Variants in TRAPPC2L observed in about 807,000 individuals in gnomAD.
TRAPPC2L encodes trafficking protein particle complex subunit 2-like protein.
Under a neutral mutation model 13.2 loss-of-function variants are expected in TRAPPC2L, and 17 were observed. The ratio of observed to expected loss-of-function variants is 1.29; its 90% confidence interval spans 0.88 to 1.93. TRAPPC2L has a LOEUF of 1.93. TRAPPC2L is among the 30% of genes most tolerant of loss of function. The pLI is 0.00. For synonymous variants in TRAPPC2L, 150 were observed against 98.1 expected (o/e 1.53, Z -3.12); for missense variants, 359 against 252.1 (o/e 1.42, Z -2.87).
Position 88,859,666 on chromosome 16 carries a change from C to G in TRAPPC2L, c.210C>G (p.Tyr70Ter), listed in dbSNP as rs148514448. 1.2e-6 allele frequency: 2 copies of G among 1,613,882 alleles called. No individual in the cohort carries two copies. Among genetic ancestry groups the G allele is most frequent in the Non-Finnish European group, 8.5e-7 (1 of 1,179,954 alleles). ...CCTTCCCTAACCAGCTGTGCAGATA[C>G]GGCTACGTCACCAACTCCAAGGTGA... is the stretch of plus-strand genomic sequence containing the variant. The change falls in exon 3 of 4, where the codon TAC becomes TAG. Residue 70 changes from tyrosine to a stop codon, truncating the protein, a stop_gained. Transcript: ENST00000565504. LOFTEE classifies it high-confidence loss of function.
chr16:88,856,460 A>T (rs1967891443), upstream of TRAPPC2L: 1 of 700,292 alleles, frequency 1.4e-6, no homozygotes, highest in Admixed American at 2.0e-5. Flanking sequence ...CCTGCCAGGG[A>T]GGACGCTGTC....
At chr16:88,857,625 C>T (rs1160631159) in intron 1 of TRAPPC2L, among the ~76,000 whole-genome samples, 8 of 152,270 alleles carry the variant, frequency 5.3e-5, no homozygotes, top group Non-Finnish European at 8.8e-5. Flanking sequence ...GCAGTGGCTT[C>T]TCGTTGCCTT....
At chr16:88,862,092 C>G (rs970257105) in exon 4 of TRAPPC2L, 2 of 156,124 alleles carry the variant, frequency 1.3e-5, no homozygotes, top group African/African-American at 4.8e-5. Flanking sequence ...AAATCTTTAA[C>G]AAGAGCCTCA....
chr16:88,859,129 A>T (rs888140383), intron 2 of TRAPPC2L: 1 of 438,838 alleles, frequency 2.3e-6, no homozygotes, highest in Non-Finnish European at 4.2e-6. Flanking sequence ...AGGGGATAAT[A>T]GTTTCATTTA....
At chr16:88,858,729 G>A (rs758189247) in exon 2 of TRAPPC2L, 1 of 1,613,558 alleles carries the variant, frequency 6.2e-7, no homozygotes, top group Admixed American at 1.7e-5. Context: ...CAATGGGGAA[G>A]GCCCTGGTCG....
At chr16:88,857,364 C>A in intron 1 of TRAPPC2L, 181 bp downstream of exon 1, 1 of 564,850 alleles carries the variant, frequency 1.8e-6, no homozygotes, top group Non-Finnish European at 3.0e-6. Context: ...CTGACTGAGA[C>A]CCCAGTTCCG....
chr16:88,861,046 G>T, exon 4 of TRAPPC2L: 1 of 1,317,706 alleles, frequency 7.6e-7, no homozygotes. Context: ...CTTCCTGAAT[G>T]GGACGCCTGG....
chr16:88,860,623 G>C, exon 4 of TRAPPC2L: 1 of 591,368 alleles, frequency 1.7e-6, no homozygotes, highest in Non-Finnish European at 3.0e-6. Context: ...TGCCTCCTGG[G>C]CTGCACAGGG....
chr16:88,861,559 A>G (rs1968391296), exon 4 of TRAPPC2L: 1 of 462,192 alleles, frequency 2.2e-6, no homozygotes, highest in African/African-American at 2.0e-5. Flanking sequence ...CCCTGGTCCT[A>G]AACCTTGGAG....
At position 88,861,053 on chromosome 16, in the gene TRAPPC2L, C is replaced by T. The variant is rs141980662; in HGVS notation, c.*729C>T. 454 of 1,288,224 alleles carry T rather than the reference C, an allele frequency of 3.5e-4. 1 individual carries two copies. In the African/African-American group the frequency reaches 5.9e-3, roughly 17 times the overall value. 79.8% of individuals were successfully genotyped at this position (1,288,224 alleles called of 1,614,324 possible). On this transcript the variant is annotated 3_prime_UTR_variant, in exon 4 of 4. Coordinates refer to ENST00000565504, the Ensembl canonical transcript of TRAPPC2L. ...GGTTGCCTCTTCCTGAATGGGACGCCTGGGGCTTTCAGGGCAGGCAGCTGT... is the reference window on the plus strand; with the variant it reads ...GGTTGCCTCTTCCTGAATGGGACGCTTGGGGCTTTCAGGGCAGGCAGCTGT...
rs1968297118 is a variant in TRAPPC2L, at chr16:88,860,288, G to A, written c.690G>A (p.Trp230Ter). 1 of 699,930 alleles carries A rather than the reference G, an allele frequency of 1.4e-6. No individual in the cohort carries two copies. Among genetic ancestry groups the A allele is most frequent in the Admixed American group, 2.0e-5 (1 of 49,516 alleles). 43.4% of individuals were successfully genotyped at this position (699,930 alleles called of 1,614,324 possible). ...CTCAGGGCCAAGCACATGGGCAGTG[G>A]CTTTCAGGGATCACACGTCCTTTTG... Residue 230 changes from tryptophan to a stop codon, truncating the protein, a stop_gained, in exon 4 of 4, where the codon TGG becomes TGA. Transcript: ENST00000565504. LOFTEE classifies it low-confidence loss of function (END_TRUNC).
chr16:88,861,314 T>A, exon 4 of TRAPPC2L: 1 of 377,842 alleles, frequency 2.6e-6, no homozygotes, highest in African/African-American at 2.1e-5. Flanking sequence ...GGTCACCCAC[T>A]GGCTGAACAG....
At chr16:88,857,921 C>CGAGA (rs1416410678) in intron 1 of TRAPPC2L, among the ~76,000 whole-genome samples, 5 of 152,228 alleles carry the variant, frequency 3.3e-5, no homozygotes, top group African/African-American at 1.2e-4. Flanking sequence ...AGACCAGACT[C>CGAGA]GAGACCGCTC....
chr16:88,857,127 G>GTGCC (rs772747583), exon 1 of TRAPPC2L: 2 of 1,554,292 alleles, frequency 1.3e-6, no homozygotes, highest in Non-Finnish European at 8.7e-7. Flanking sequence ...ACGTGACGCG[G>GTGCC]TGCCTGGCGC....
chr16:88,859,808 CTT>C, intron 3 of TRAPPC2L, 58 bp downstream of exon 3: 4 of 1,590,580 alleles, frequency 2.5e-6, no homozygotes, highest in Non-Finnish European at 3.4e-6. Context: ...TCCTTTTTGA[CTT>C]TGTTTTGAAA....
chr16:88,861,303 G>C (rs1968371896), exon 4 of TRAPPC2L: 3 of 389,754 alleles, frequency 7.7e-6, no homozygotes, highest in Non-Finnish European at 1.5e-5. Flanking sequence ...GTGACCATGT[G>C]GGTCACCCAC....
At chr16:88,857,718 A>G (rs1467833098) in intron 1 of TRAPPC2L, among the ~76,000 whole-genome samples, 1 of 152,200 alleles carries the variant, frequency 6.6e-6, no homozygotes, top group African/African-American at 2.4e-5. Context: ...ACAATTCTGC[A>G]GCTCCCTGGA....
chr16:88,860,969 G>C, exon 4 of TRAPPC2L: 3 of 1,583,138 alleles, frequency 1.9e-6, no homozygotes, highest in Non-Finnish European at 2.6e-6. Flanking sequence ...AGTGAGCTGT[G>C]CTGCCAGCCA....
chr16:88,860,681 C>T (rs755776518), exon 4 of TRAPPC2L: 5 of 609,004 alleles, frequency 8.2e-6, no homozygotes, highest in Non-Finnish European at 1.5e-5. Context: ...GCTCCCTCCT[C>T]CACCCCTTCC....
Sources: allele counts gnomAD v4.1 joint callset (sites outside exome capture counted in the v4.1 genomes callset), GRCh38; gene constraint gnomAD v4.1.1; transcripts MANE v1.5; gene names NCBI Gene and HGNC (gene_info 2026-07-23, HGNC 2026-07-21).